The following ROBO1 variants were observed in gnomAD, a reference collection of about 807,000 sequenced individuals.
The protein encoded by ROBO1 is roundabout guidance receptor 1, also known as roundabout homolog 1.
Under a neutral mutation model 195.9 loss-of-function variants are expected in ROBO1, and 149 were observed. The observed-to-expected ratio is 0.76, with a 90% CI of 0.67 to 0.87. ROBO1 has a LOEUF of 0.87. Among genes scored for constraint, ROBO1 ranks in the 40% least tolerant of loss-of-function variants. The probability of loss-of-function intolerance (pLI) is 0.00; values close to 1 mark genes in which losing one functional copy is unlikely to be tolerated. For synonymous variants in ROBO1, 816 were observed against 733.2 expected (o/e 1.11, Z -1.82); for missense variants, 1,933 against 2,068.3 (o/e 0.93, Z 1.27).
At chr3:79,501,661 A>T (rs1458169052) in intron 2 of ROBO1, among the ~76,000 whole-genome samples, 1 of 152,228 alleles carries the variant, frequency 6.6e-6, no homozygotes, top group African/African-American at 2.4e-5. Context: ...CAGTTAAAAG[A>T]TTAGTTTTTT....
rs754847344 is a variant in ROBO1, at chr3:78,606,771, T to A, written c.4706A>T (p.Lys1569Ile). 2.5e-6 allele frequency: 4 copies of A among 1,613,854 alleles called. No homozygotes were observed. Among genetic ancestry groups the A allele is most frequent in the Non-Finnish European group, 3.4e-6 (4 of 1,179,860 alleles). ...DGKGRGNKAA[K>I]RDLPPAKTHL... ...AGTCTTTGCTGGTGGAAGGTCTCGT[T>A]TTGCTGCCTTGTTTCCACGTCCTTT... Residue 1569 changes from lysine (K) to isoleucine (I), a missense_variant, in exon 29 of 31, where the codon AAA (lysine) becomes ATA (isoleucine). Physicochemically the swap from Lys to Ile is moderately radical, Grantham distance 102. Transcript: ENST00000464233.
At chr3:78,950,350 T>C (rs2040705868) in intron 3 of ROBO1, among the ~76,000 whole-genome samples, 1 of 151,934 alleles carries the variant, frequency 6.6e-6, no homozygotes, top group South Asian at 2.1e-4. Context: ...CATGAGTTCA[T>C]GTCCTTTGTA....
chr3:79,489,891 T>C (rs955751824), intron 2 of ROBO1, among the ~76,000 whole-genome samples: 1 of 152,092 alleles, frequency 6.6e-6, no homozygotes, highest in Admixed American at 6.5e-5. Flanking sequence ...TATTTTTACA[T>C]ATGAAGATTT....
At chr3:79,411,974 A>G (rs1189601346) in intron 2 of ROBO1, among the ~76,000 whole-genome samples, 1 of 152,018 alleles carries the variant, frequency 6.6e-6, no homozygotes, top group African/African-American at 2.4e-5. Flanking sequence ...CGAGACACCC[A>G]CAGGAGAAGT....
chr3:79,376,247 T>A (rs923491569), intron 2 of ROBO1, among the ~76,000 whole-genome samples: 1 of 152,196 alleles, frequency 6.6e-6, no homozygotes, highest in Non-Finnish European at 1.5e-5. Flanking sequence ...ACTACTCACA[T>A]CTAGTTACTA....
rs114084262 is a variant in ROBO1 at position 79,581,944 on chromosome 3, T to C, written c.88+7880A>G. On this transcript the variant is annotated intron_variant, in intron 2 of 30. Coordinates refer to ENST00000464233, the MANE Select transcript of ROBO1 (RefSeq NM_002941.4). ...GTAATATTATTCTTCTGAGTGTTAC[T>C]TTTAACTTGGTTAATTGTCTAGAAT... Among the ~76,000 whole-genome samples, 5 of 152,134 alleles carry C rather than the reference T, an allele frequency of 3.3e-5. No individual in the cohort carries two copies. The East Asian group carries it at 9.7e-4, about 29-fold the overall frequency.
chr3:79,691,529 T>C (rs1947297693), intron 1 of ROBO1, among the ~76,000 whole-genome samples: 1 of 151,640 alleles, frequency 6.6e-6, no homozygotes. Flanking sequence ...TTACTACTAT[T>C]TCAGATAATA....
intron 2 of ROBO1, among the ~76,000 whole-genome samples, chr3:79,532,245 G>T (rs1407797189): frequency 6.6e-6 from 1 of 152,078 alleles, no homozygotes; most frequent in Non-Finnish European, 1.5e-5. Context: ...GTATCACTAA[G>T]TCCACGTAAA....
rs1328273772 is a variant in ROBO1 at position 78,717,161 on chromosome 3, C to T, written c.917+114G>A. The T allele has an allele frequency of 2.7e-6, 3 of 1,102,646 alleles. No homozygotes were observed. In the African/African-American group the frequency reaches 4.9e-5, roughly 18 times the overall value. The allele number at this position is 1,102,646 out of a possible 1,614,324, so 68.3% of individuals were successfully genotyped here. ...ATTATCTCCAGTATTGTATCTGGCC[C>T]CTGATAGAGGATTCTAGAATGGACT... On this transcript the variant is annotated intron_variant, in intron 7 of 30. Coordinates refer to ENST00000464233, the MANE Select transcript of ROBO1 (RefSeq NM_002941.4).
chr3:79,325,268 A>C (rs895908909), intron 2 of ROBO1, among the ~76,000 whole-genome samples: 2 of 152,194 alleles, frequency 1.3e-5, no homozygotes, highest in Non-Finnish European at 2.9e-5. Context: ...TACTGCTTGA[A>C]TATCCTGGTT....
At chr3:79,005,609 G>C (rs1270340146) in intron 3 of ROBO1, among the ~76,000 whole-genome samples, 1 of 152,020 alleles carries the variant, frequency 6.6e-6, no homozygotes, top group Admixed American at 6.6e-5. Flanking sequence ...TACCATTTCT[G>C]TTGCCTAAAG....
chr3:79,306,901 C>T (rs923995459), intron 2 of ROBO1, among the ~76,000 whole-genome samples: 2 of 152,126 alleles, frequency 1.3e-5, no homozygotes, highest in Non-Finnish European at 2.9e-5. Flanking sequence ...GGACAGATAG[C>T]TCAATATTTA....
At chr3:79,636,856 T>TA (rs1283399269) in intron 1 of ROBO1, among the ~76,000 whole-genome samples, 1 of 152,194 alleles carries the variant, frequency 6.6e-6, no homozygotes, top group Non-Finnish European at 1.5e-5. Flanking sequence ...GTTAGCTGTA[T>TA]AATAAAAAGC....
intron 4 of ROBO1, among the ~76,000 whole-genome samples, chr3:78,810,116 T>C (rs1466754610): frequency 6.6e-6 from 1 of 152,198 alleles, no homozygotes; most frequent in African/African-American, 2.4e-5. Context: ...ACATATGGTC[T>C]TGATTGCCTT....
intron 1 of ROBO1, among the ~76,000 whole-genome samples, chr3:79,711,771 A>C (rs1220957889): frequency 5.9e-5 from 9 of 152,118 alleles, no homozygotes. Flanking sequence ...GAGCAAGTCT[A>C]TGGATGTCAT....
chr3:78,740,357 T>A (rs936744024), intron 5 of ROBO1, among the ~76,000 whole-genome samples: 5 of 151,662 alleles, frequency 3.3e-5, no homozygotes, highest in African/African-American at 9.7e-5. Context: ...TTGACATTTA[T>A]TTAAATTTAA....
chr3:79,035,474 C>CT, intron 3 of ROBO1, among the ~76,000 whole-genome samples: 1 of 152,078 alleles, frequency 6.6e-6, no homozygotes, highest in East Asian at 1.9e-4. Flanking sequence ...AATCCCGGCA[C>CT]TTTGGGAGGC....
At chr3:79,244,753 GTAT>G (rs1449646585) in intron 2 of ROBO1, among the ~76,000 whole-genome samples, 2 of 151,958 alleles carry the variant, frequency 1.3e-5, no homozygotes, top group Non-Finnish European at 2.9e-5. Context: ...TTCCCTTACT[GTAT>G]TCTGTATTTG....
intron 2 of ROBO1, among the ~76,000 whole-genome samples, chr3:79,462,087 G>T (rs1243729179): frequency 6.6e-6 from 1 of 152,090 alleles, no homozygotes; most frequent in Non-Finnish European, 1.5e-5. Flanking sequence ...ACATAAAGTT[G>T]AAGATTATAG....
Sources: gnomAD v4.1 joint callset for allele counts (sites outside exome capture counted in the v4.1 genomes callset) on GRCh38, gnomAD v4.1.1 for gene constraint, MANE v1.5 for transcripts, NCBI Gene and HGNC (gene_info 2026-07-23, HGNC 2026-07-21) for gene names.